SLC24A3: variants seen among roughly 807,000 people sequenced by gnomAD.
SLC24A3 encodes sodium/potassium/calcium exchanger 3.
In SLC24A3, 28 loss-of-function variants were observed where a neutral mutation model predicts 75.8. The ratio of observed to expected loss-of-function variants is 0.37; its 90% confidence interval spans 0.27 to 0.51. The LOEUF (loss-of-function observed/expected upper bound fraction) is 0.51, where lower values mean the gene tolerates loss of function less well. SLC24A3 is among the 20% of genes least tolerant of loss of function. The pLI is 0.94. For missense variants in SLC24A3, 663 were observed against 847.8 expected (o/e 0.78, Z 2.71); for synonymous variants, 372 against 334.1 (o/e 1.11, Z -1.24).
chr20:19,474,864 G>A (rs1487200436), intron 2 of SLC24A3, among the ~76,000 whole-genome samples: 2 of 152,030 alleles, frequency 1.3e-5, no homozygotes, highest in African/African-American at 4.8e-5. Flanking sequence ...GACCAACATT[G>A]CCCTATCCAT....
intron 13 of SLC24A3, 188 bp downstream of exon 13, chr20:19,693,613 G>A: frequency 1.6e-6 from 1 of 634,040 alleles, no homozygotes. Context: ...ACGTCTTCAT[G>A]TTGACTGTGG....
At chr20:19,558,351 C>A (rs73281386) in intron 3 of SLC24A3, among the ~76,000 whole-genome samples, 12,450 of 152,112 alleles carry the variant, frequency 0.082, 583 homozygotes, top group Middle Eastern at 0.12. Flanking sequence ...AGAAAAGCTG[C>A]AAAATAGCAC....
At chr20:19,339,264 G>A (rs1985212422) in intron 2 of SLC24A3, among the ~76,000 whole-genome samples, 1 of 152,152 alleles carries the variant, frequency 6.6e-6, no homozygotes, top group Non-Finnish European at 1.5e-5. Flanking sequence ...CATTTGAGTG[G>A]AGGGCAGTTA....
chr20:19,575,234 G>A (rs192512125), intron 3 of SLC24A3, among the ~76,000 whole-genome samples: 11 of 145,794 alleles, frequency 7.5e-5, no homozygotes, highest in Admixed American at 4.1e-4. Context: ...TCCAGCCTGG[G>A]TGACAGAGTG....
intron 2 of SLC24A3, among the ~76,000 whole-genome samples, chr20:19,336,653 G>A (rs1335468376): frequency 2.7e-5 from 4 of 149,446 alleles, no homozygotes; most frequent in Non-Finnish European, 6.0e-5. Flanking sequence ...AAAGTGCTGG[G>A]ATTAGAGGCG....
At chr20:19,320,073 T>C (rs1286891056) in intron 2 of SLC24A3, among the ~76,000 whole-genome samples, 2 of 152,210 alleles carry the variant, frequency 1.3e-5, no homozygotes, top group Non-Finnish European at 1.5e-5. Context: ...TTACGTTTGC[T>C]TGAATCTGTT....
intron 6 of SLC24A3, among the ~76,000 whole-genome samples, chr20:19,644,595 A>T (rs1397392924): frequency 2.0e-5 from 3 of 152,190 alleles, no homozygotes; most frequent in Non-Finnish European, 2.9e-5. Flanking sequence ...GAGCCACTTT[A>T]ATTCTTCCTG....
At chr20:19,579,779 T>C (rs943911074) in intron 3 of SLC24A3, among the ~76,000 whole-genome samples, 17 of 152,174 alleles carry the variant, frequency 1.1e-4, no homozygotes, top group African/African-American at 4.1e-4. Context: ...ACATGTTTCA[T>C]GGAAAGGGAA....
intron 2 of SLC24A3, among the ~76,000 whole-genome samples, chr20:19,372,160 C>T (rs530176002): frequency 6.6e-6 from 1 of 152,314 alleles, no homozygotes; most frequent in South Asian, 2.1e-4. Flanking sequence ...TAGAAGTCAA[C>T]ATGGTGGATT....
intron 6 of SLC24A3, among the ~76,000 whole-genome samples, chr20:19,633,634 G>A (rs375617738): frequency 9.5e-4 from 123 of 129,052 alleles, no homozygotes; most frequent in African/African-American, 3.3e-3. Flanking sequence ...GGGCGACAGA[G>A]CGAGACTCCG....
chr20:19,331,549 G>A (rs1284800882), intron 2 of SLC24A3, among the ~76,000 whole-genome samples: 1 of 152,190 alleles, frequency 6.6e-6, no homozygotes, highest in Non-Finnish European at 1.5e-5. Flanking sequence ...GTGAATCAGG[G>A]TAAAGTGTTT....
intron 2 of SLC24A3, among the ~76,000 whole-genome samples, chr20:19,371,536 G>A (rs1325128200): frequency 6.6e-6 from 1 of 152,184 alleles, no homozygotes; most frequent in African/African-American, 2.4e-5. Flanking sequence ...TAGTTTTCTA[G>A]CTAGTTCCTG....
chr20:19,554,738 G>A (rs1447229720), intron 3 of SLC24A3, among the ~76,000 whole-genome samples: 2 of 152,208 alleles, frequency 1.3e-5, no homozygotes, highest in South Asian at 4.1e-4. Flanking sequence ...GAGGCAGCAG[G>A]CAGAGCTGAA....
intron 2 of SLC24A3, among the ~76,000 whole-genome samples, chr20:19,497,768 A>G (rs1287135388): frequency 2.6e-5 from 4 of 152,150 alleles, no homozygotes; most frequent in African/African-American, 9.7e-5. Context: ...GGATCAGGAA[A>G]GAGCATGCAA....
intron 3 of SLC24A3, among the ~76,000 whole-genome samples, chr20:19,523,327 T>C (rs2030138544): frequency 6.6e-6 from 1 of 152,216 alleles, no homozygotes; most frequent in Non-Finnish European, 1.5e-5. Flanking sequence ...GATTTTACTC[T>C]GGAAGAGAAA....
chr20:19,489,809 G>A (rs1470763442), intron 2 of SLC24A3, among the ~76,000 whole-genome samples: 1 of 152,068 alleles, frequency 6.6e-6, no homozygotes, highest in Non-Finnish European at 1.5e-5. Context: ...ATACCACGTG[G>A]CCTTTTTAGT....
chr20:19,630,724 T>G (rs1600310768), intron 6 of SLC24A3, among the ~76,000 whole-genome samples: 1 of 152,196 alleles, frequency 6.6e-6, no homozygotes, highest in African/African-American at 2.4e-5. Flanking sequence ...TAAGCTAAAC[T>G]CCATTTAATC....
chr20:19,670,804 T>C (rs2032456728), intron 8 of SLC24A3, among the ~76,000 whole-genome samples: 1 of 152,078 alleles, frequency 6.6e-6, no homozygotes. Flanking sequence ...AAAATTGATG[T>C]TTGGAGGGAG....
chr20:19,409,376 A>G (rs1441104132), intron 2 of SLC24A3, among the ~76,000 whole-genome samples: 24 of 152,196 alleles, frequency 1.6e-4, no homozygotes, highest in Admixed American at 1.6e-3. Flanking sequence ...GTCTAGAGGC[A>G]GGATGTTTCC....
Sources: gnomAD v4.1 joint callset for allele counts (sites outside exome capture counted in the v4.1 genomes callset) on GRCh38, gnomAD v4.1.1 for gene constraint, MANE v1.5 for transcripts, NCBI Gene and HGNC (gene_info 2026-07-23, HGNC 2026-07-21) for gene names.